The following NALF1 variants were observed in gnomAD, a reference collection of about 807,000 sequenced individuals.
NALF1 encodes family with sequence similarity 155 member A.
Under a neutral mutation model 48.4 loss-of-function variants are expected in NALF1, and 3 were observed. The observed-to-expected ratio is 0.06, with a 90% CI of 0.03 to 0.16. NALF1 has a LOEUF of 0.16. Ranked by LOEUF, NALF1 falls within the 10% of genes least tolerant of loss-of-function variation. The probability of loss-of-function intolerance (pLI) is 1.00; values close to 1 mark genes in which losing one functional copy is unlikely to be tolerated. For missense variants in NALF1, 526 were observed against 571.5 expected, an observed-to-expected ratio of 0.92 and a Z score of 0.81; for synonymous variants, 262 against 245.7, an observed-to-expected ratio of 1.07 and a Z score of -0.62.
At chr13:107,609,498 C>T in intron 1 of NALF1, among the ~76,000 whole-genome samples, 1 of 152,212 alleles carries the variant, frequency 6.6e-6, no homozygotes, top group East Asian at 1.9e-4. Context: ...TGCTTTTCAA[C>T]CAAGAGCCTT....
intron 1 of NALF1, among the ~76,000 whole-genome samples, chr13:107,471,838 T>G (rs972742761): frequency 2.6e-5 from 4 of 152,218 alleles, no homozygotes; most frequent in African/African-American, 9.6e-5. Context: ...TTATGCATTA[T>G]GACATCTCAT....
intron 1 of NALF1, among the ~76,000 whole-genome samples, chr13:107,331,851 A>G (rs1594123931): frequency 6.6e-6 from 1 of 152,286 alleles, no homozygotes; most frequent in East Asian, 1.9e-4. Flanking sequence ...TTTTCATAAG[A>G]CATTATAATT....
At chr13:107,426,887 C>G (rs543283377) in intron 1 of NALF1, among the ~76,000 whole-genome samples, 1 of 151,914 alleles carries the variant, frequency 6.6e-6, no homozygotes. Flanking sequence ...ATTTCAGGCT[C>G]TTGATATAAC....
chr13:107,457,272 A>C (rs1047341089), intron 1 of NALF1, among the ~76,000 whole-genome samples: 1 of 152,190 alleles, frequency 6.6e-6, no homozygotes, highest in Non-Finnish European at 1.5e-5. Context: ...TTCAGAGCTT[A>C]GTATTGGGAG....
intron 1 of NALF1, among the ~76,000 whole-genome samples, chr13:107,725,066 A>C (rs1352215768): frequency 1.3e-5 from 2 of 152,262 alleles, no homozygotes; most frequent in African/African-American, 4.8e-5. Context: ...TCTGGATAAA[A>C]ATACGAATAA....
chr13:107,460,275 A>T (rs1361533970), intron 1 of NALF1, among the ~76,000 whole-genome samples: 3 of 152,224 alleles, frequency 2.0e-5, no homozygotes, highest in African/African-American at 7.2e-5. Flanking sequence ...CAAGTGGCAC[A>T]GCTGTGTGAT....
At chr13:107,618,141 G>C (rs1284139280) in intron 1 of NALF1, among the ~76,000 whole-genome samples, 3 of 152,006 alleles carry the variant, frequency 2.0e-5, no homozygotes, top group African/African-American at 7.2e-5. Flanking sequence ...ATAAAATAAG[G>C]TCGAAAGTAA....
At chr13:107,698,214 A>G (rs982269949) in intron 1 of NALF1, among the ~76,000 whole-genome samples, 1 of 152,148 alleles carries the variant, frequency 6.6e-6, no homozygotes, top group African/African-American at 2.4e-5. Flanking sequence ...TTTTGTTACC[A>G]AATAAAAGTA....
chr13:107,389,387 T>C (rs1258566546), intron 1 of NALF1, among the ~76,000 whole-genome samples: 1 of 152,118 alleles, frequency 6.6e-6, no homozygotes, highest in Non-Finnish European at 1.5e-5. Flanking sequence ...TCCATTATAG[T>C]TGGTGTCCTT....
chr13:107,707,826 C>T (rs1456724765), intron 1 of NALF1, among the ~76,000 whole-genome samples: 2 of 152,132 alleles, frequency 1.3e-5, no homozygotes, highest in Non-Finnish European at 2.9e-5. Flanking sequence ...ACACAATTAG[C>T]CAATGTCTTT....
chr13:107,538,417 A>G lies in NALF1; in HGVS notation c.915+327265T>C, dbSNP rs551637262. 2.6e-5 allele frequency among the ~76,000 whole-genome samples: 4 copies of G among 152,154 alleles called. No homozygotes were observed. The South Asian group carries it at 6.2e-4, about 24-fold the overall frequency. On this transcript the variant is annotated intron_variant, in intron 1 of 2. Transcript: ENST00000375915. ...GCAAAGATTTAATCGGCATAATCCT[A>G]CAACATAGAAAATGTTACTTTTCTT...
chr13:107,600,824 G>A (rs1174938071), intron 1 of NALF1, among the ~76,000 whole-genome samples: 1 of 152,148 alleles, frequency 6.6e-6, no homozygotes, highest in Non-Finnish European at 1.5e-5. Context: ...ACTTGACCTC[G>A]ATAGTATTTG....
intron 1 of NALF1, among the ~76,000 whole-genome samples, chr13:107,851,342 T>G (rs1031727412): frequency 8.4e-6 from 1 of 119,198 alleles, no homozygotes; most frequent in Non-Finnish European, 1.7e-5. Flanking sequence ...AGATGAACAG[T>G]TTTTTTTTTT....
At chr13:107,612,315 C>T (rs577737439) in intron 1 of NALF1, among the ~76,000 whole-genome samples, 5 of 152,192 alleles carry the variant, frequency 3.3e-5, no homozygotes, top group East Asian at 3.9e-4. Context: ...GCTTCAGCCA[C>T]GCAAGACAAA....
At chr13:107,352,841 C>T (rs1882901161) in intron 1 of NALF1, among the ~76,000 whole-genome samples, 1 of 152,280 alleles carries the variant, frequency 6.6e-6, no homozygotes, top group Middle Eastern at 3.4e-3. Flanking sequence ...CCTTATTTGA[C>T]CAAGAAAGCT....
At chr13:107,724,779 C>T (rs1876101268) in intron 1 of NALF1, among the ~76,000 whole-genome samples, 1 of 152,040 alleles carries the variant, frequency 6.6e-6, no homozygotes, top group Admixed American at 6.6e-5. Flanking sequence ...CGGAGTGTCA[C>T]CATGTTGCCC....
At chr13:107,793,922 A>T (rs1041853623) in intron 1 of NALF1, among the ~76,000 whole-genome samples, 3 of 152,080 alleles carry the variant, frequency 2.0e-5, no homozygotes, top group Admixed American at 6.6e-5. Context: ...TATGAATTTC[A>T]CTAACTCATC....
Position 107,223,401 on chromosome 13 carries a change from T to G in NALF1, c.916-12646A>C, listed in dbSNP as rs111817423. ...TGTGGACAGCAGAAAAAGGAAACAT[T>G]TTTCTTCCTAACTTTTGCCATGTTT... is the stretch of plus-strand genomic sequence containing the variant. On this transcript the variant is annotated intron_variant, in intron 1 of 2. Transcript: ENST00000375915. 1.1e-3 allele frequency among the ~76,000 whole-genome samples: 172 copies of G among 152,248 alleles called. 1 individual carries two copies. The highest frequency in any genetic ancestry group is 3.9e-3 in the African/African-American group (163 of 41,558).
intron 1 of NALF1, among the ~76,000 whole-genome samples, chr13:107,303,298 A>G (rs960279928): frequency 2.6e-5 from 4 of 152,216 alleles, no homozygotes; most frequent in Admixed American, 6.5e-5. Context: ...TCACAAAACT[A>G]TAAAATAAAA....
Sources: gnomAD v4.1 joint callset for allele counts (sites outside exome capture counted in the v4.1 genomes callset) on GRCh38, gnomAD v4.1.1 for gene constraint, MANE v1.5 for transcripts, NCBI Gene and HGNC (gene_info 2026-07-23, HGNC 2026-07-21) for gene names.